The following USP34 variants were observed in gnomAD, a reference collection of about 807,000 sequenced individuals.
USP34 encodes the protein ubiquitin carboxyl-terminal hydrolase 34.
USP34 carries 70 observed loss-of-function variants against 460.3 expected under a neutral mutation model. That is an observed-to-expected ratio of 0.15 (90% CI 0.13 to 0.19). USP34 has a LOEUF of 0.19. Ranked by LOEUF, USP34 falls within the 10% of genes least tolerant of loss-of-function variation. USP34 has a pLI of 1.00. For missense variants in USP34, 3,985 were observed against 4,236.2 expected (o/e 0.94, Z 1.65); for synonymous variants, 1,647 against 1,405.3 (o/e 1.17, Z -3.85).
intron 2 of USP34, among the ~76,000 whole-genome samples, chr2:61,420,375 G>C (rs1039383272): frequency 2.0e-5 from 3 of 152,126 alleles, no homozygotes; most frequent in African/African-American, 4.8e-5. Context: ...AAACGGAACA[G>C]ATATTAAGTG....
At chr2:61,328,687 G>A (rs951421780) in intron 20 of USP34, among the ~76,000 whole-genome samples, 18 of 152,310 alleles carry the variant, frequency 1.2e-4, no homozygotes, top group Non-Finnish European at 2.2e-4. Flanking sequence ...TTTCACCACA[G>A]AAGCAATGCT....
rs141886964 is a variant in USP34 at position 61,232,352 on chromosome 2, T to A, written c.7113+100A>T. ...GGAGGCAGATCTTTTCAAACTATTA[T>A]CAATATTAGGTTAAGACACACTTAT... is the stretch of plus-strand genomic sequence containing the variant. On this transcript the variant is annotated intron_variant, in intron 58 of 79. Coordinates refer to ENST00000398571, the MANE Select transcript of USP34 (RefSeq NM_014709.4). 4 of 978,186 alleles carry A rather than the reference T, an allele frequency of 4.1e-6. No homozygotes were observed. The African/African-American group carries it at 5.0e-5, about 12-fold the overall frequency. The allele number at this position is 978,186 out of a possible 1,614,324, so 60.6% of individuals were successfully genotyped here. A position where few individuals can be genotyped will look rare whatever the true frequency, so the allele number is the denominator to read the frequency against.
intron 48 of USP34, among the ~76,000 whole-genome samples, chr2:61,249,193 G>T (rs1472688850): frequency 6.6e-6 from 1 of 152,104 alleles, no homozygotes; most frequent in African/African-American, 2.4e-5. Context: ...GAACTTTAAG[G>T]CATTTTACAG....
chr2:61,352,960 G>A (rs115951033), intron 10 of USP34, among the ~76,000 whole-genome samples: 93 of 152,276 alleles, frequency 6.1e-4, no homozygotes, highest in African/African-American at 1.8e-3. Flanking sequence ...TGTACTAGCC[G>A]AATCAGATGT....
intron 2 of USP34, among the ~76,000 whole-genome samples, chr2:61,407,088 T>C (rs1693895861): frequency 6.6e-6 from 1 of 151,940 alleles, no homozygotes. Flanking sequence ...CATATGTAGA[T>C]AATTAAAAGG....
At position 61,348,087 on chromosome 2, in the gene USP34, G is replaced by C. The variant is rs2103778054; in HGVS notation, c.2068C>G (p.Arg690Gly). 1 of 1,614,142 alleles carries C rather than the reference G, an allele frequency of 6.2e-7. No individual in the cohort carries two copies. Among genetic ancestry groups the C allele is most frequent in the African/African-American group, 1.3e-5 (1 of 75,018 alleles). The change falls in exon 15 of 80, where the codon CGA (arginine) becomes GGA (glycine). Residue 690 changes from arginine (R) to glycine (G), a missense_variant. Around this residue, in one of 14 missense-constraint regions of USP34, gnomAD observed 716 missense variants for 626.2 expected, o/e 1.14. Coordinates refer to ENST00000398571, the MANE Select transcript of USP34 (RefSeq NM_014709.4). ...GAGTGTGAACAAGCATCCAGCATTC[G>C]CATTCGATTATCTACTGATGGCAAT... Reference protein sequence around the residue: ...ESLPSVDNRMRMLDACSHSED... With the variant: ...ESLPSVDNRMGMLDACSHSED...
Position 61,420,735 on chromosome 2 carries a change from A to C in USP34, c.131+11T>G. On this transcript the variant is annotated intron_variant, in intron 2 of 79. Coordinates refer to ENST00000398571, the MANE Select transcript of USP34 (RefSeq NM_014709.4). Reference sequence around the variant, plus strand: ...CAAAAATTAGTCTTCGAAATACCTAAAGATGCATACCTCTGTGTCCAGGAA... The same window carrying C: ...CAAAAATTAGTCTTCGAAATACCTACAGATGCATACCTCTGTGTCCAGGAA... The C allele has an allele frequency of 6.3e-7, 1 of 1,579,682 alleles. No individual in the cohort carries two copies. Among genetic ancestry groups the C allele is most frequent in the Non-Finnish European group, 8.6e-7 (1 of 1,165,460 alleles).
intron 14 of USP34, 43 bp downstream of exon 14, chr2:61,348,713 A>T (rs536781849): frequency 1.1e-5 from 17 of 1,589,294 alleles, no homozygotes; most frequent in Non-Finnish European, 1.5e-5. Context: ...ACACGCCAGA[A>T]AGCCAAAAAT....
At position 61,369,460 on chromosome 2, in the gene USP34, T is replaced by C. The variant is rs189192841; in HGVS notation, c.1251+861A>G. Among the ~76,000 whole-genome samples, 11 of 152,068 alleles carry C rather than the reference T, an allele frequency of 7.2e-5. No individual in the cohort carries two copies. The East Asian group carries it at 1.2e-3, about 16-fold the overall frequency. ...GAGTTCGAGACCAGCCTGACCAACA[T>C]AGCGAAACCTTATCTCTACTAAAAA... On this transcript the variant is annotated intron_variant, in intron 10 of 79. Transcript: ENST00000398571.
intron 39 of USP34, among the ~76,000 whole-genome samples, chr2:61,279,525 G>A (rs1469159624): frequency 1.3e-5 from 2 of 152,086 alleles, no homozygotes; most frequent in East Asian, 1.9e-4. Flanking sequence ...GTGCAGGGGC[G>A]TGATCTCAGC....
intron 19 of USP34, 117 bp from the exon 20 acceptor site, chr2:61,331,488 C>A (rs865785034): frequency 7.4e-6 from 5 of 678,344 alleles, no homozygotes; most frequent in East Asian, 6.2e-5. Flanking sequence ...ATTTTAGTTA[C>A]GAAAAATATA....
Position 61,203,207 on chromosome 2 carries a change from C to A in USP34, c.9441G>T (p.Gln3147His), listed in dbSNP as rs1274252125. 1 of 1,601,336 alleles carries A rather than the reference C, an allele frequency of 6.2e-7. No individual in the cohort carries two copies. The highest frequency in any genetic ancestry group is 1.1e-5 in the South Asian group (1 of 88,588). The change falls in exon 75 of 80, where the codon CAG becomes CAT. Residue 3147 changes from glutamine (Q) to histidine (H), a missense_variant. Physicochemically the swap from Gln to His is conservative, Grantham distance 24 (BLOSUM62 0). Coordinates refer to ENST00000398571, the MANE Select transcript of USP34 (RefSeq NM_014709.4). ...CAACTCGGCATAATAGATGGATGAA[C>A]TGATGATAAGAAAAGAAGTAGTCTA... ...MLLDYFFSYH[Q>H]FIHLLCRVAI...
chr2:61,380,394 A>C lies in USP34; in HGVS notation c.822-33T>G, dbSNP rs114377674. 1.0e-4 allele frequency: 160 copies of C among 1,575,240 alleles called. No individual in the cohort carries two copies. The African/African-American group carries it at 2.1e-3, about 20-fold the overall frequency. The stretch of plus-strand genomic sequence containing the variant: ...GATTCAGAAATAGAAAATACACAAA[A>C]ATTCATAAAGCATTTTTAAAGACCA... On this transcript the variant is annotated intron_variant, in intron 6 of 79. Transcript: ENST00000398571.
At chr2:61,403,263 A>T (rs1417857750) in intron 3 of USP34, among the ~76,000 whole-genome samples, 1 of 152,166 alleles carries the variant, frequency 6.6e-6, no homozygotes, top group East Asian at 1.9e-4. Context: ...TTTAGAGATT[A>T]CCATTTTTGA....
intron 75 of USP34, 27 bp downstream of exon 75, chr2:61,203,113 A>C: frequency 2.6e-6 from 4 of 1,521,764 alleles, no homozygotes; most frequent in Non-Finnish European, 3.5e-6. Context: ...AATTCAGTGG[A>C]ATTTACTGCT....
chr2:61,321,725 A>C (rs1690929337), intron 21 of USP34, among the ~76,000 whole-genome samples: 1 of 152,202 alleles, frequency 6.6e-6, no homozygotes, highest in African/African-American at 2.4e-5. Flanking sequence ...CAACTTACGA[A>C]GTATTCTCAA....
intron 30 of USP34, among the ~76,000 whole-genome samples, chr2:61,296,340 G>GT (rs1200256562): frequency 6.6e-6 from 1 of 152,076 alleles, no homozygotes; most frequent in African/African-American, 2.4e-5. Flanking sequence ...CACATGTGAG[G>GT]TGGTGTCCAT....
intron 66 of USP34, among the ~76,000 whole-genome samples, chr2:61,220,660 T>C (rs779928388): frequency 1.3e-5 from 2 of 152,220 alleles, no homozygotes; most frequent in Non-Finnish European, 2.9e-5. Context: ...AATATGTCAC[T>C]GGTTTACAAA....
At chr2:61,221,688 C>A in intron 65 of USP34, 82 bp from the exon 66 acceptor site, 1 of 1,260,166 alleles carries the variant, frequency 7.9e-7, no homozygotes, top group Admixed American at 2.3e-5. Context: ...TATTCTACTA[C>A]ACACTATATT....
Sources: gnomAD v4.1 joint callset for allele counts (sites outside exome capture counted in the v4.1 genomes callset) on GRCh38, gnomAD v4.1.1 for gene constraint, gnomAD v4.1.1 regional missense constraint, MANE v1.5 for transcripts, NCBI Gene and HGNC (gene_info 2026-07-23, HGNC 2026-07-21) for gene names.